RANBP17: variants seen among roughly 807,000 people sequenced by gnomAD.
The protein encoded by RANBP17 is ran-binding protein 17.
RANBP17 carries 158 observed loss-of-function variants against 141.2 expected under a neutral mutation model. The ratio of observed to expected loss-of-function variants is 1.12; its 90% CI spans 0.98 to 1.28. The LOEUF is 1.28. Among genes scored for constraint, RANBP17 ranks in the 50% most tolerant of loss-of-function variants. The pLI is 0.00. For synonymous variants in RANBP17, 430 were observed against 450.0 expected (o/e 0.96, Z 0.56); for missense variants, 1,438 against 1,290.7 (o/e 1.11, Z -1.75).
At chr5:171,149,944 G>A (rs142610125) in intron 14 of RANBP17, among the ~76,000 whole-genome samples, 7 of 152,262 alleles carry the variant, frequency 4.6e-5, no homozygotes, top group Admixed American at 1.3e-4. Context: ...AATGTATCAC[G>A]TAAGTACTAG....
intron 14 of RANBP17, among the ~76,000 whole-genome samples, chr5:171,135,122 T>A (rs903459851): frequency 1.2e-4 from 18 of 149,742 alleles, no homozygotes; most frequent in South Asian, 4.2e-4. Context: ...AAAAAAAAAA[T>A]AATAATAATT....
intron 18 of RANBP17, among the ~76,000 whole-genome samples, chr5:171,189,347 A>G (rs1042476185): frequency 2.8e-4 from 43 of 152,328 alleles, no homozygotes; most frequent in African/African-American, 1.0e-3. Context: ...ATCAAGTATG[A>G]TTTGTTGTGT....
At position 171,089,650 on chromosome 5, in the gene RANBP17, A is replaced by T. The variant is rs1354142818; in HGVS notation, c.1711-80480A>T. On this transcript the variant is annotated intron_variant, in intron 14 of 27. Coordinates refer to ENST00000523189, the MANE Select transcript of RANBP17 (RefSeq NM_022897.5). ...GGACCCTCCGAGCCAGGTGTGGGAT[A>T]TAATCTCGTGGTGCGCCGTTTTTTA... 3.9e-5 allele frequency among the ~76,000 whole-genome samples: 6 copies of T among 152,284 alleles called. No homozygotes were observed. In the East Asian group the frequency reaches 9.7e-4, roughly 25 times the overall value.
At chr5:171,125,748 C>T (rs1193560606) in intron 14 of RANBP17, among the ~76,000 whole-genome samples, 1 of 152,148 alleles carries the variant, frequency 6.6e-6, no homozygotes, top group African/African-American at 2.4e-5. Flanking sequence ...GAACACTCTC[C>T]CAGGATTGCC....
At chr5:171,180,778 G>A (rs1277150999) in intron 16 of RANBP17, among the ~76,000 whole-genome samples, 7 of 152,152 alleles carry the variant, frequency 4.6e-5, no homozygotes, top group Admixed American at 1.3e-4. Context: ...AAAAGGCAGT[G>A]AGGCTGGCCT....
chr5:171,136,407 T>C (rs546035041), intron 14 of RANBP17, among the ~76,000 whole-genome samples: 225 of 152,092 alleles, frequency 1.5e-3, no homozygotes, highest in African/African-American at 5.3e-3. Flanking sequence ...TTTCTCACCT[T>C]TTTTTTTCTT....
intron 7 of RANBP17, among the ~76,000 whole-genome samples, chr5:170,913,679 A>G (rs969065791): frequency 1.3e-5 from 2 of 152,058 alleles, no homozygotes; most frequent in Admixed American, 6.6e-5. Flanking sequence ...TTAGACAGCT[A>G]AAGCGTTACA....
intron 21 of RANBP17, among the ~76,000 whole-genome samples, chr5:171,214,012 G>A (rs187785180): frequency 2.0e-5 from 3 of 152,274 alleles, no homozygotes; most frequent in South Asian, 2.1e-4. Context: ...TCAAAGGTAC[G>A]AAATGAAGGG....
At chr5:170,969,842 T>C (rs1245525620) in intron 14 of RANBP17, among the ~76,000 whole-genome samples, 5 of 152,048 alleles carry the variant, frequency 3.3e-5, no homozygotes, top group African/African-American at 1.2e-4. Flanking sequence ...CAGAATGGTA[T>C]TGACTCCTTT....
chr5:171,190,487 C>T (rs1042921765), intron 18 of RANBP17, among the ~76,000 whole-genome samples: 11 of 151,880 alleles, frequency 7.2e-5, no homozygotes, highest in African/African-American at 2.7e-4. Context: ...TTTTGGTGTT[C>T]GAAGAAATGA....
intron 3 of RANBP17, among the ~76,000 whole-genome samples, chr5:170,892,007 G>C (rs572876387): frequency 6.6e-6 from 1 of 152,024 alleles, no homozygotes. Context: ...TAAAAGAACT[G>C]TATAAATAAA....
chr5:171,173,879 A>G (rs17073388), intron 16 of RANBP17, among the ~76,000 whole-genome samples: 9,955 of 152,174 alleles, frequency 0.065, 440 homozygotes, highest in East Asian at 0.12. Context: ...TAGAAAATAG[A>G]GCTGCATTGT....
intron 1 of RANBP17, chr5:170,866,956 T>C (rs1767316966): frequency 6.6e-6 from 1 of 152,162 alleles, no homozygotes; most frequent in African/African-American, 2.4e-5. Context: ...GTGTCTCCAC[T>C]AAGTTCATCA....
chr5:171,004,709 G>C (rs536648385), intron 14 of RANBP17, among the ~76,000 whole-genome samples: 5 of 152,268 alleles, frequency 3.3e-5, no homozygotes, highest in African/African-American at 1.2e-4. Context: ...TTGGGTTTGG[G>C]CTTCAGGGGT....
intron 14 of RANBP17, among the ~76,000 whole-genome samples, chr5:171,096,303 GAA>G (rs1786686970): frequency 1.3e-5 from 2 of 152,294 alleles, no homozygotes; most frequent in South Asian, 4.1e-4. Context: ...ATCCTTTAAG[GAA>G]AGAGACTGTG....
At chr5:170,943,819 A>G (rs1041974608) in intron 12 of RANBP17, among the ~76,000 whole-genome samples, 1 of 152,140 alleles carries the variant, frequency 6.6e-6, no homozygotes, top group Non-Finnish European at 1.5e-5. Context: ...CGAAATGACT[A>G]CTACAGTCAG....
intron 14 of RANBP17, among the ~76,000 whole-genome samples, chr5:171,061,257 G>T (rs1425318579): frequency 2.5e-4 from 36 of 146,786 alleles, no homozygotes; most frequent in African/African-American, 5.3e-4. Context: ...TGATGTTAGG[G>T]TGTCAATTTT....
At chr5:171,128,976 G>A (rs1756701295) in intron 14 of RANBP17, among the ~76,000 whole-genome samples, 1 of 152,000 alleles carries the variant, frequency 6.6e-6, no homozygotes, top group Non-Finnish European at 1.5e-5. Flanking sequence ...ATTAGTTCTG[G>A]CCCTGCCCTT....
At chr5:171,041,854 A>G (rs531861951) in intron 14 of RANBP17, among the ~76,000 whole-genome samples, 1 of 152,148 alleles carries the variant, frequency 6.6e-6, no homozygotes, top group Admixed American at 6.6e-5. Context: ...CTAGGTATTA[A>G]GTCCCACATG....
Sources: allele counts gnomAD v4.1 joint callset (sites outside exome capture counted in the v4.1 genomes callset), GRCh38; gene constraint gnomAD v4.1.1; transcripts MANE v1.5; gene names NCBI Gene and HGNC (gene_info 2026-07-23, HGNC 2026-07-21).